Variants in CDH1 observed in about 807,000 individuals in gnomAD.
CDH1 encodes cadherin 1.
Under a neutral mutation model 84.5 loss-of-function variants are expected in CDH1, and 35 were observed. The observed-to-expected ratio is 0.41, with a 90% CI of 0.32 to 0.55. CDH1 has a LOEUF of 0.55. CDH1 is among the 20% of genes least tolerant of loss of function. The probability of loss-of-function intolerance (pLI) is 0.19; values close to 1 mark genes in which losing one functional copy is unlikely to be tolerated. For missense variants in CDH1, 994 were observed against 1,126.6 expected (o/e 0.88, Z 1.68); for synonymous variants, 417 against 439.0 (o/e 0.95, Z 0.63).
intron 3 of CDH1, among the ~76,000 whole-genome samples, chr16:68,807,944 C>T (rs573394418): frequency 6.6e-6 from 1 of 152,198 alleles, no homozygotes; most frequent in East Asian, 1.9e-4. Context: ...TGGTGGTGCA[C>T]ACCTGTAGTC....
Position 68,737,313 on chromosome 16 carries a change from C to T in CDH1, c.-103C>T, listed in dbSNP as rs777789988. On this transcript the variant is annotated 5_prime_UTR_variant, in exon 1 of 16. Coordinates refer to ENST00000261769, the MANE Select transcript of CDH1 (RefSeq NM_004360.5). ...TCTCAGTGGCGTCGGAACTGCAAAG[C>T]ACCTGTGAGCTTGCGGAAGTCAGTT... The T allele has an allele frequency of 6.2e-6, 6 of 966,924 alleles. No homozygotes were observed. Among genetic ancestry groups the T allele is most frequent in the Non-Finnish European group, 9.2e-6 (6 of 655,264 alleles). 59.9% of individuals were successfully genotyped at this position (966,924 alleles called of 1,614,324 possible).
intron 2 of CDH1, among the ~76,000 whole-genome samples, chr16:68,753,038 A>G (rs1962924052): frequency 6.6e-6 from 1 of 151,968 alleles, no homozygotes; most frequent in South Asian, 2.1e-4. Context: ...GAGAGACGCA[A>G]AAAGCTCAAA....
intron 15 of CDH1, among the ~76,000 whole-genome samples, chr16:68,830,642 C>T (rs542393436): frequency 1.3e-5 from 2 of 152,234 alleles, no homozygotes; most frequent in Admixed American, 6.5e-5. Context: ...GTTTCTGCTC[C>T]ATCATCTTAG....
intron 9 of CDH1, 176 bp downstream of exon 9, chr16:68,813,671 C>A: frequency 3.9e-6 from 3 of 761,462 alleles, no homozygotes; most frequent in Non-Finnish European, 7.1e-6. Context: ...TGTAAGAAAT[C>A]AAGAAACTGT....
intron 14 of CDH1, among the ~76,000 whole-genome samples, chr16:68,829,295 A>T (rs1168662287): frequency 6.6e-6 from 1 of 152,190 alleles, no homozygotes; most frequent in Non-Finnish European, 1.5e-5. Flanking sequence ...TTGGCTAAGC[A>T]AGTCACACAA....
At chr16:68,808,018 A>G (rs1960711449) in intron 3 of CDH1, among the ~76,000 whole-genome samples, 1 of 152,204 alleles carries the variant, frequency 6.6e-6, no homozygotes. Context: ...GGTTCCAGTG[A>G]GACAAGATCT....
intron 2 of CDH1, among the ~76,000 whole-genome samples, chr16:68,781,208 G>C (rs1201243068): frequency 1.3e-5 from 2 of 152,144 alleles, no homozygotes; most frequent in African/African-American, 2.4e-5. Flanking sequence ...TTATCTGCAG[G>C]TCAGAGGGTT....
chr16:68,806,512 A>C (rs985527970), intron 3 of CDH1, among the ~76,000 whole-genome samples: 1 of 152,078 alleles, frequency 6.6e-6, no homozygotes, highest in African/African-American at 2.4e-5. Flanking sequence ...AATCTCAATA[A>C]AACCATAACT....
rs786201287 is a variant in CDH1 at position 68,737,430 on chromosome 16, C to G, written c.15C>G (p.Ser5Arg). 1 of 1,534,784 alleles carries G rather than the reference C, an allele frequency of 6.5e-7. No individual in the cohort carries two copies. The highest frequency in any genetic ancestry group is 8.7e-7 in the Non-Finnish European group (1 of 1,147,054). MGPW[S>R]RSLSALLLLL... ...CCCGGCCAGCCATGGGCCCTTGGAG[C>G]CGCAGCCTCTCGGCGCTGCTGCTGC... Residue 5 changes from serine (S) to arginine (R), a missense_variant, in exon 1 of 16, where the codon AGC becomes AGG. By Grantham distance (110) the Ser-to-Arg change is moderately radical. Around this residue, in one of 3 missense-constraint regions of CDH1, gnomAD observed 203 missense variants for 194.0 expected, o/e 1.05. Coordinates refer to ENST00000261769, the MANE Select transcript of CDH1 (RefSeq NM_004360.5).
chr16:68,793,542 G>A (rs1220687787), intron 2 of CDH1, among the ~76,000 whole-genome samples: 1 of 152,108 alleles, frequency 6.6e-6, no homozygotes, highest in Non-Finnish European at 1.5e-5. Context: ...TACAGCTTCC[G>A]TCACTTCATA....
At chr16:68,748,094 T>A (rs8064083) in intron 2 of CDH1, among the ~76,000 whole-genome samples, 19 of 139,790 alleles carry the variant, frequency 1.4e-4, no homozygotes, top group East Asian at 4.2e-4. Flanking sequence ...TTTAAAAAAA[T>A]TTTTAAAAAT....
chr16:68,823,146 C>A (rs944522904), intron 12 of CDH1: 4 of 493,220 alleles, frequency 8.1e-6, no homozygotes, highest in Non-Finnish European at 1.5e-5. Flanking sequence ...TCTGCCTAAG[C>A]CTCTCCCTCC....
intron 5 of CDH1, among the ~76,000 whole-genome samples, chr16:68,809,444 C>T (rs1411168915): frequency 3.3e-5 from 5 of 152,168 alleles, no homozygotes; most frequent in South Asian, 4.1e-4. Flanking sequence ...TCAGGCGATT[C>T]ACCCTACTTG....
At chr16:68,737,500 G>T (rs758142398) in intron 1 of CDH1, 37 bp downstream of exon 1, 2 of 1,470,094 alleles carry the variant, frequency 1.4e-6, no homozygotes, top group Admixed American at 2.2e-5. Flanking sequence ...GGACGCATTC[G>T]GGCCGCAAGC....
chr16:68,792,294 A>G lies in CDH1; in HGVS notation c.164-9376A>G, dbSNP rs919846670. Reference sequence around the variant, plus strand: ...GCCCAGGCTGGAGGGCAGTGGCGCAATCTTGACTCACTGCAACCTCCGCCT... The same window carrying G: ...GCCCAGGCTGGAGGGCAGTGGCGCAGTCTTGACTCACTGCAACCTCCGCCT... On this transcript the variant is annotated intron_variant, in intron 2 of 15. Coordinates refer to ENST00000261769, the MANE Select transcript of CDH1 (RefSeq NM_004360.5). Among the ~76,000 whole-genome samples, 104 of 150,616 alleles carry G rather than the reference A, an allele frequency of 6.9e-4. 1 individual carries two copies. The highest frequency in any genetic ancestry group is 2.4e-3 in the African/African-American group (98 of 40,792).
intron 11 of CDH1, among the ~76,000 whole-genome samples, chr16:68,820,903 T>C (rs1329859813): frequency 6.6e-6 from 1 of 152,106 alleles, no homozygotes; most frequent in East Asian, 1.9e-4. Context: ...AATCTCAAAA[T>C]GCTGGGATTA....
At chr16:68,796,018 C>T (rs1324892080) in intron 2 of CDH1, among the ~76,000 whole-genome samples, 1 of 151,866 alleles carries the variant, frequency 6.6e-6, no homozygotes, top group African/African-American at 2.4e-5. Context: ...AAAAGATTAG[C>T]CGGGCGTGGT....
In CDH1 at chr16:68,815,759, C is replaced by T. The variant is rs863224725; in HGVS notation, c.1565C>T (p.Thr522Ile). The part of the protein sequence containing the change: ...EPDTFMEQKI[T>I]YRIWRDTANW... ...GACACATTTATGGAACAGAAAATAACGTAAGTGTGAGGATTTTTCAACTGA... is the reference window on the plus strand; with the variant it reads ...GACACATTTATGGAACAGAAAATAATGTAAGTGTGAGGATTTTTCAACTGA... The change falls in exon 10 of 16, where the codon ACA becomes ATA. Residue 522 changes from threonine (T) to isoleucine (I), a missense_variant and splice_region_variant. Around this residue, in one of 3 missense-constraint regions of CDH1, gnomAD observed 769 missense variants for 881.8 expected, o/e 0.87. Coordinates refer to ENST00000261769, the MANE Select transcript of CDH1 (RefSeq NM_004360.5). 7.4e-6 allele frequency: 12 copies of T among 1,614,042 alleles called. No individual in the cohort carries two copies. Among genetic ancestry groups the T allele is most frequent in the East Asian group, 4.5e-5 (2 of 44,898 alleles).
rs941905211 is a variant in CDH1 at position 68,812,339 on chromosome 16, A to G, written c.1137+76A>G. 198 of 1,492,428 alleles carry G rather than the reference A, an allele frequency of 1.3e-4. No individual in the cohort carries two copies. In the Middle Eastern group the frequency reaches 1.9e-3, roughly 14 times the overall value. 92.4% of individuals were successfully genotyped at this position (1,492,428 alleles called of 1,614,324 possible). A position where few individuals can be genotyped will look rare whatever the true frequency, so the allele number is the denominator to read the frequency against. On this transcript the variant is annotated intron_variant, in intron 8 of 15. Transcript: ENST00000261769. ...CATGAACTAAGTGTCACCACTGCTC[A>G]TGGGCGAAGTCTTTGAAAACTCTCT...
Sources: gnomAD v4.1 joint callset for allele counts (sites outside exome capture counted in the v4.1 genomes callset) on GRCh38, gnomAD v4.1.1 for gene constraint, gnomAD v4.1.1 regional missense constraint, MANE v1.5 for transcripts, NCBI Gene and HGNC (gene_info 2026-07-23, HGNC 2026-07-21) for gene names.